HDDC2: variants seen among roughly 807,000 people sequenced by gnomAD.
The protein encoded by HDDC2 is 5'-deoxynucleotidase HDDC2.
HDDC2 carries 25 observed loss-of-function variants against 25.5 expected under a neutral mutation model. That is an observed-to-expected ratio of 0.98 (90% CI 0.72 to 1.37). The LOEUF (loss-of-function observed/expected upper bound fraction) is 1.37. Ranked by LOEUF, HDDC2 falls within the 40% of genes most tolerant of loss-of-function variation. The pLI is 0.00. For synonymous variants in HDDC2, 106 were observed against 89.7 expected, an observed-to-expected ratio of 1.18 and a Z score of -1.03; for missense variants, 264 against 253.1, an observed-to-expected ratio of 1.04 and a Z score of -0.29.
In HDDC2 at chr6:125,277,116, T is replaced by G. The variant is rs371610845; in HGVS notation, c.503A>C (p.Tyr168Ser). The G allele has an allele frequency of 6.2e-7, 1 of 1,614,106 alleles. No individual in the cohort carries two copies. The highest frequency in any genetic ancestry group is 8.5e-7 in the Non-Finnish European group (1 of 1,180,002). The change falls in exon 5 of 6, where the codon TAT becomes TCT. Residue 168 changes from tyrosine to serine, a missense_variant. Transcript: ENST00000398153. Reference protein sequence around the residue: ...EHKPGRLQDFYDSTAGKFNHP... With the variant: ...EHKPGRLQDFSDSTAGKFNHP... ...GTGTTGAGTACCTGCTGTGGAATCATAGAAGTCTTGCAGTCTCCCAGGTTT... is the reference window on the plus strand; with the variant it reads ...GTGTTGAGTACCTGCTGTGGAATCAGAGAAGTCTTGCAGTCTCCCAGGTTT...
intron 4 of HDDC2, chr6:125,277,486 G>T (rs1316005261): frequency 1.4e-5 from 6 of 418,756 alleles, no homozygotes; most frequent in East Asian, 1.1e-4. Flanking sequence ...TGGAAATCTT[G>T]TATGTTCATC....
chr6:125,293,819 C>A (rs1477016870), intron 3 of HDDC2, among the ~76,000 whole-genome samples: 1 of 152,124 alleles, frequency 6.6e-6, no homozygotes, highest in Non-Finnish European at 1.5e-5. Flanking sequence ...TCAAACCAGG[C>A]ATTCAGGGGC....
At position 125,298,808 on chromosome 6, in the gene HDDC2, C is replaced by T. The variant is rs771303858; in HGVS notation, c.215G>A (p.Arg72His). Residue 72 changes from arginine to histidine, a missense_variant, in exon 3 of 6, where the codon CGC becomes CAC. Physicochemically the swap from Arg to His is conservative, Grantham distance 29 (BLOSUM62 0). Coordinates refer to ENST00000398153, the MANE Select transcript of HDDC2 (RefSeq NM_016063.3). ...TGCCATATCATGAACCAGGGCTAGGCGTACACATCTGATCAGGCAAGAAAT... is the reference window on the plus strand; with the variant it reads ...TGCCATATCATGAACCAGGGCTAGGTGTACACATCTGATCAGGCAAGAAAT... ...DDRLNKDRCV[R>H]LALVHDMAEC... 31 of 1,612,454 alleles carry T rather than the reference C, an allele frequency of 1.9e-5. No individual in the cohort carries two copies. Among genetic ancestry groups the T allele is most frequent in the Admixed American group, 1.3e-4 (8 of 59,996 alleles).
chr6:125,298,521 A>C, intron 3 of HDDC2, 193 bp downstream of exon 3: 1 of 594,348 alleles, frequency 1.7e-6, no homozygotes, highest in Non-Finnish European at 3.0e-6. Flanking sequence ...AACTTGTCAG[A>C]TCCATCTTAA....
intron 4 of HDDC2, chr6:125,277,454 C>G (rs1798386887): frequency 2.1e-6 from 1 of 466,480 alleles, no homozygotes; most frequent in Non-Finnish European, 3.8e-6. Flanking sequence ...GCTCTCCATT[C>G]TAAGTATTCT....
intron 5 of HDDC2, 140 bp from the exon 6 acceptor site, chr6:125,276,383 T>A: frequency 1.5e-6 from 1 of 661,550 alleles, no homozygotes; most frequent in Non-Finnish European, 2.6e-6. Context: ...AGAAAGAGAT[T>A]CCAGGTCCTG....
intron 2 of HDDC2, 48 bp downstream of exon 2, chr6:125,300,490 C>T (rs768535527): frequency 8.1e-6 from 13 of 1,598,814 alleles, no homozygotes; most frequent in Admixed American, 1.7e-5. Flanking sequence ...CGGGTGCACA[C>T]CCATAGACCA....
rs79346378 is a variant in HDDC2 at position 125,301,345 on chromosome 6, G to A, written c.84+504C>T. 1.4e-3 allele frequency among the ~76,000 whole-genome samples: 217 copies of A among 152,160 alleles called. 4 individuals are homozygous for A. The East Asian group carries it at 0.023, about 16-fold the overall frequency. On this transcript the variant is annotated intron_variant, in intron 1 of 5. Transcript: ENST00000398153. ...TGGCCGGGAGAAAAGTCTTGTTTCTGGAAGTAACTGTGAGACAGACATAAA... is the reference window on the plus strand; with the variant it reads ...TGGCCGGGAGAAAAGTCTTGTTTCTAGAAGTAACTGTGAGACAGACATAAA...
At chr6:125,276,284 G>T in intron 5 of HDDC2, 41 bp from the exon 6 acceptor site, 2 of 1,424,304 alleles carry the variant, frequency 1.4e-6, no homozygotes, top group South Asian at 1.1e-5. Context: ...TTCCCATATT[G>T]ACAAGAGAGT....
intron 1 of HDDC2, among the ~76,000 whole-genome samples, chr6:125,301,512 T>C (rs1405138270): frequency 7.4e-6 from 1 of 135,352 alleles, no homozygotes; most frequent in Non-Finnish European, 1.5e-5. Flanking sequence ...ACACACGAGT[T>C]CTGGGGTCGT....
chr6:125,291,435 A>G (rs2115112174), intron 4 of HDDC2, among the ~76,000 whole-genome samples: 1 of 152,302 alleles, frequency 6.6e-6, no homozygotes, highest in Middle Eastern at 3.4e-3. Flanking sequence ...ACACTAAGTC[A>G]TGCCTCTAGT....
intron 4 of HDDC2, among the ~76,000 whole-genome samples, chr6:125,282,006 C>G (rs577279065): frequency 1.3e-5 from 2 of 152,288 alleles, no homozygotes; most frequent in South Asian, 4.1e-4. Flanking sequence ...GATCTCTCTA[C>G]AGAAATCCTA....
intron 3 of HDDC2, among the ~76,000 whole-genome samples, chr6:125,297,822 A>G (rs1293367083): frequency 6.6e-6 from 1 of 152,186 alleles, no homozygotes; most frequent in East Asian, 1.9e-4. Flanking sequence ...TGCTTCAAAC[A>G]TATCTTCCTC....
intron 3 of HDDC2, among the ~76,000 whole-genome samples, chr6:125,295,491 G>A (rs1377321909): frequency 6.7e-6 from 1 of 150,134 alleles, no homozygotes; most frequent in Admixed American, 6.6e-5. Flanking sequence ...TGTCCTTCAG[G>A]TTTCTCATCT....
At chr6:125,296,700 A>G (rs1798710121) in intron 3 of HDDC2, among the ~76,000 whole-genome samples, 1 of 152,178 alleles carries the variant, frequency 6.6e-6, no homozygotes, top group African/African-American at 2.4e-5. Flanking sequence ...GTGAATCAGC[A>G]GGAGTGGGCA....
intron 4 of HDDC2, among the ~76,000 whole-genome samples, chr6:125,280,056 G>A (rs1798434037): frequency 6.6e-6 from 1 of 152,202 alleles, no homozygotes; most frequent in Non-Finnish European, 1.5e-5. Flanking sequence ...ATCTCACTGG[G>A]ACTGGTTAGA....
chr6:125,283,606 C>T (rs988964840), intron 4 of HDDC2, among the ~76,000 whole-genome samples: 1 of 152,116 alleles, frequency 6.6e-6, no homozygotes, highest in Non-Finnish European at 1.5e-5. Flanking sequence ...ATATAACTTA[C>T]AAGGAATGTG....
chr6:125,291,076 T>C (rs773923010), intron 4 of HDDC2, among the ~76,000 whole-genome samples: 25 of 152,348 alleles, frequency 1.6e-4, no homozygotes, highest in Non-Finnish European at 2.6e-4. Flanking sequence ...GTTTCCCCCT[T>C]AGGCGACAAT....
Position 125,300,598 on chromosome 6 carries a change from T to C in HDDC2, c.146A>G (p.His49Arg), listed in dbSNP as rs201381046. The change falls in exon 2 of 6, where the codon CAC (histidine) becomes CGC (arginine). Residue 49 changes from histidine (H) to arginine (R), a missense_variant. By Grantham distance (29) the His-to-Arg change is conservative. Coordinates refer to ENST00000398153, the MANE Select transcript of HDDC2 (RefSeq NM_016063.3). ...NVQRPESVSD[H>R]MYRMAVMAMV... The stretch of plus-strand genomic sequence containing the variant: ...AGCCATAACTGCCATCCGGTACATG[T>C]GATCTGAAACGCTCTCCGGCCTCTG... 3.0e-4 allele frequency: 492 copies of C among 1,614,074 alleles called. No homozygotes were observed. The highest frequency in any genetic ancestry group is 4.0e-4 in the Non-Finnish European group (467 of 1,180,026).
Sources: gnomAD v4.1 joint callset for allele counts (sites outside exome capture counted in the v4.1 genomes callset) on GRCh38, gnomAD v4.1.1 for gene constraint, MANE v1.5 for transcripts, NCBI Gene and HGNC (gene_info 2026-07-23, HGNC 2026-07-21) for gene names.